The following IQCM variants were observed in gnomAD, a reference collection of about 807,000 sequenced individuals.
IQCM encodes IQ domain-containing protein M.
In IQCM, 45 loss-of-function variants were observed where a neutral mutation model predicts 57.6. The ratio of observed to expected loss-of-function variants is 0.78; its 90% CI spans 0.62 to 1.00. IQCM has a LOEUF of 1.00. Among genes scored for constraint, IQCM ranks in the 50% least tolerant of loss-of-function variants. The pLI, the probability that IQCM is intolerant of heterozygous loss-of-function variation, is 0.00. For synonymous variants in IQCM, 148 were observed against 158.9 expected, an observed-to-expected ratio of 0.93 and a Z score of 0.51; for missense variants, 468 against 511.6, an observed-to-expected ratio of 0.91 and a Z score of 0.82.
At chr4:149,811,656 T>C (rs1249715359) in intron 2 of IQCM, among the ~76,000 whole-genome samples, 1 of 152,184 alleles carries the variant, frequency 6.6e-6, no homozygotes, top group South Asian at 2.1e-4. Flanking sequence ...TTCTGCCTTT[T>C]GGATGACAAT....
chr4:149,672,185 G>T (rs1377394003), intron 7 of IQCM, among the ~76,000 whole-genome samples: 2 of 152,170 alleles, frequency 1.3e-5, no homozygotes, highest in Non-Finnish European at 2.9e-5. Context: ...GAGCAGAAAG[G>T]CTGAAAATTC....
In IQCM at chr4:149,374,048, C is replaced by G. The variant is rs1001616856; in HGVS notation, c.1391-21982G>C. Among the ~76,000 whole-genome samples, 17 of 152,246 alleles carry G rather than the reference C, an allele frequency of 1.1e-4. 1 individual carries two copies. The highest frequency in any genetic ancestry group is 1.8e-4 in the Non-Finnish European group (12 of 68,008). ...GAAGCATTTGCAGTAGCAGCAGCAGCGGCAGCAGCAATGGCATCTTCTTGA... is the reference window on the plus strand; with the variant it reads ...GAAGCATTTGCAGTAGCAGCAGCAGGGGCAGCAGCAATGGCATCTTCTTGA... On this transcript the variant is annotated intron_variant, in intron 13 of 13. Transcript: ENST00000636793.
At chr4:149,481,442 T>G (rs943443360) in intron 12 of IQCM, among the ~76,000 whole-genome samples, 7 of 151,958 alleles carry the variant, frequency 4.6e-5, no homozygotes, top group African/African-American at 1.7e-4. Context: ...ATAGAGCAAG[T>G]AATAGGGGTC....
rs1743323154 is a variant in IQCM at position 149,502,190 on chromosome 4, A to G, written c.1228+46265T>C. 7.2e-5 allele frequency among the ~76,000 whole-genome samples: 11 copies of G among 152,116 alleles called. No homozygotes were observed. The South Asian group carries it at 2.3e-3, about 32-fold the overall frequency. ...CACACACATATATATGTATGTATGTACTTTTCCCTAAGTACCTTATTATTG... is the reference window on the plus strand; with the variant it reads ...CACACACATATATATGTATGTATGTGCTTTTCCCTAAGTACCTTATTATTG... On this transcript the variant is annotated intron_variant, in intron 12 of 13. Coordinates refer to ENST00000636793, the MANE Select transcript of IQCM (RefSeq NM_001363507.2).
chr4:149,544,613 C>G (rs1393099094), intron 12 of IQCM, among the ~76,000 whole-genome samples: 1 of 152,082 alleles, frequency 6.6e-6, no homozygotes, highest in East Asian at 1.9e-4. Flanking sequence ...AAAAACAAAG[C>G]TAGTGGCAAC....
intron 2 of IQCM, among the ~76,000 whole-genome samples, chr4:149,807,454 T>C (rs1193386191): frequency 6.6e-6 from 1 of 152,024 alleles, no homozygotes; most frequent in Non-Finnish European, 1.5e-5. Flanking sequence ...AAGACTTAAA[T>C]GTAAGAACTG....
At chr4:149,454,107 A>T (rs1472539131) in intron 12 of IQCM, among the ~76,000 whole-genome samples, 1 of 150,012 alleles carries the variant, frequency 6.7e-6, no homozygotes, top group Admixed American at 6.7e-5. Flanking sequence ...CATGGAATCA[A>T]CCTAAATTCC....
At chr4:149,525,513 A>C (rs2149839091) in intron 12 of IQCM, among the ~76,000 whole-genome samples, 1 of 152,052 alleles carries the variant, frequency 6.6e-6, no homozygotes, top group African/African-American at 2.4e-5. Flanking sequence ...TTAATGTACA[A>C]AGAATTATTT....
At chr4:149,377,943 C>T (rs1730806789) in intron 13 of IQCM, among the ~76,000 whole-genome samples, 1 of 152,092 alleles carries the variant, frequency 6.6e-6, no homozygotes. Flanking sequence ...AACTGTAGCT[C>T]CCATAATTCC....
At chr4:149,647,009 G>T (rs367648408) in intron 7 of IQCM, among the ~76,000 whole-genome samples, 4 of 152,056 alleles carry the variant, frequency 2.6e-5, no homozygotes, top group Admixed American at 1.3e-4. Flanking sequence ...ATAATTTTTT[G>T]TGTGTGTTCA....
At chr4:149,397,612 T>C (rs973770622) in intron 13 of IQCM, among the ~76,000 whole-genome samples, 2 of 152,054 alleles carry the variant, frequency 1.3e-5, no homozygotes, top group African/African-American at 4.8e-5. Flanking sequence ...TACAGAACTG[T>C]GAGTCAATTA....
At chr4:149,530,942 C>T (rs985895657) in intron 12 of IQCM, among the ~76,000 whole-genome samples, 5 of 151,924 alleles carry the variant, frequency 3.3e-5, no homozygotes, top group Non-Finnish European at 5.9e-5. Flanking sequence ...GTTCTATATG[C>T]ACAATTATCA....
At chr4:149,437,909 A>G (rs1402900432) in intron 12 of IQCM, among the ~76,000 whole-genome samples, 1 of 152,122 alleles carries the variant, frequency 6.6e-6, no homozygotes, top group Non-Finnish European at 1.5e-5. Context: ...CTAAATTTCC[A>G]GGATATTTTA....
chr4:149,491,516 G>GT (rs925722558), intron 12 of IQCM, among the ~76,000 whole-genome samples: 2 of 152,000 alleles, frequency 1.3e-5, no homozygotes, highest in Non-Finnish European at 2.9e-5. Flanking sequence ...TGTGGTATTT[G>GT]TTTTTCTGCG....
chr4:149,622,755 G>A (rs1376831132), intron 7 of IQCM, among the ~76,000 whole-genome samples: 1 of 152,118 alleles, frequency 6.6e-6, no homozygotes, highest in South Asian at 2.1e-4. Flanking sequence ...ACACCCTTAC[G>A]TTTCTTATGA....
chr4:149,547,334 A>G (rs769507158), intron 12 of IQCM, among the ~76,000 whole-genome samples: 17 of 152,190 alleles, frequency 1.1e-4, no homozygotes, highest in Non-Finnish European at 2.4e-4. Context: ...CAATTTTGTC[A>G]TTTGTCACAA....
At chr4:149,415,870 G>T (rs1193223660) in intron 13 of IQCM, among the ~76,000 whole-genome samples, 1 of 152,030 alleles carries the variant, frequency 6.6e-6, no homozygotes, top group Non-Finnish European at 1.5e-5. Context: ...CTTGGACACA[G>T]GAAGGGGAAC....
chr4:149,695,831 C>T (rs886736104), intron 5 of IQCM, among the ~76,000 whole-genome samples: 3 of 152,134 alleles, frequency 2.0e-5, no homozygotes, highest in South Asian at 4.1e-4. Flanking sequence ...CCAGTGAGTT[C>T]GCCATGAAGA....
At chr4:149,420,545 G>A (rs996356281) in intron 13 of IQCM, among the ~76,000 whole-genome samples, 1 of 152,006 alleles carries the variant, frequency 6.6e-6, no homozygotes, top group African/African-American at 2.4e-5. Flanking sequence ...ATACCTAGGT[G>A]ATGGGTTGAT....
Sources: gnomAD v4.1 joint callset for allele counts (sites outside exome capture counted in the v4.1 genomes callset) on GRCh38, gnomAD v4.1.1 for gene constraint, MANE v1.5 for transcripts, NCBI Gene and HGNC (gene_info 2026-07-23, HGNC 2026-07-21) for gene names.